SDK1: variants seen among roughly 807,000 people sequenced by gnomAD.
The protein encoded by SDK1 is protein sidekick-1.
In SDK1, 157 loss-of-function variants were observed where a neutral mutation model predicts 245.5. That is an observed-to-expected ratio of 0.64 (90% CI 0.56 to 0.73). The LOEUF is 0.73. Among genes scored for constraint, SDK1 ranks in the 30% least tolerant of loss-of-function variants. The pLI is 0.00. For synonymous variants in SDK1, 1,647 were observed against 1,278.5 expected, an observed-to-expected ratio of 1.29 and a Z score of -6.15; for missense variants, 3,583 against 3,002.3, an observed-to-expected ratio of 1.19 and a Z score of -4.52.
At chr7:3,777,770 A>G (rs184145653) in intron 4 of SDK1, among the ~76,000 whole-genome samples, 70 of 152,266 alleles carry the variant, frequency 4.6e-4, no homozygotes, top group African/African-American at 1.6e-3. Context: ...CCCATGCCAC[A>G]CCACACTGCA....
At chr7:3,571,793 C>A (rs1242985113) in intron 1 of SDK1, among the ~76,000 whole-genome samples, 2 of 151,956 alleles carry the variant, frequency 1.3e-5, no homozygotes, top group African/African-American at 4.8e-5. Flanking sequence ...TGGAGCAGTT[C>A]CAGCATGAGT....
chr7:3,798,637 A>T (rs1779027608), intron 4 of SDK1, among the ~76,000 whole-genome samples: 1 of 152,130 alleles, frequency 6.6e-6, no homozygotes, highest in African/African-American at 2.4e-5. Context: ...TGGCGTCAAC[A>T]TGACTTGTCA....
intron 4 of SDK1, among the ~76,000 whole-genome samples, chr7:3,663,724 A>G (rs1399833031): frequency 1.3e-5 from 2 of 152,202 alleles, no homozygotes; most frequent in South Asian, 2.1e-4. Flanking sequence ...TACTGTGGGT[A>G]TAAAACTTGC....
At chr7:3,535,538 C>T (rs1375362913) in intron 1 of SDK1, among the ~76,000 whole-genome samples, 1 of 152,100 alleles carries the variant, frequency 6.6e-6, no homozygotes, top group African/African-American at 2.4e-5. Context: ...TGACCTTATG[C>T]AGGCTTCTTA....
intron 4 of SDK1, among the ~76,000 whole-genome samples, chr7:3,809,019 G>T (rs1548617): frequency 0.2 from 30,522 of 152,036 alleles, 3,327 homozygotes; most frequent in Middle Eastern, 0.37. Context: ...TTCTTGCATT[G>T]TTATAAGAGA....
chr7:3,962,595 G>T (rs771430970), intron 8 of SDK1, 62 bp from the exon 9 acceptor site: 21 of 1,359,238 alleles, frequency 1.5e-5, no homozygotes, highest in Non-Finnish European at 3.0e-6. Context: ...TGAAACAGAT[G>T]TGCTTCAGTT....
At chr7:4,139,733 G>GTA (rs1779438869) in intron 28 of SDK1, among the ~76,000 whole-genome samples, 1 of 142,048 alleles carries the variant, frequency 7.0e-6, no homozygotes, top group African/African-American at 2.9e-5. Context: ...GTGTGTGTGT[G>GTA]TGTATGTGTG....
intron 1 of SDK1, among the ~76,000 whole-genome samples, chr7:3,518,559 G>A (rs1434995140): frequency 6.6e-6 from 1 of 151,634 alleles, no homozygotes; most frequent in Non-Finnish European, 1.5e-5. Context: ...ACATATACAT[G>A]AGCAACAAAT....
chr7:3,953,573 T>C (rs1169155486), intron 7 of SDK1, among the ~76,000 whole-genome samples: 1 of 152,238 alleles, frequency 6.6e-6, no homozygotes, highest in Non-Finnish European at 1.5e-5. Context: ...ATTTGCGACG[T>C]GTAAATCTCT....
At chr7:3,455,584 C>A (rs922366163) in intron 1 of SDK1, among the ~76,000 whole-genome samples, 1 of 152,068 alleles carries the variant, frequency 6.6e-6, no homozygotes, top group South Asian at 2.1e-4. Flanking sequence ...AAAAAATTAG[C>A]TGGGCATCTT....
chr7:3,654,507 A>G (rs544306574), intron 4 of SDK1, among the ~76,000 whole-genome samples: 58 of 152,318 alleles, frequency 3.8e-4, no homozygotes, highest in Non-Finnish European at 6.3e-4. Context: ...ATAAGCAATA[A>G]TAGGTCAGGA....
At chr7:3,815,525 A>G (rs1444983967) in intron 4 of SDK1, among the ~76,000 whole-genome samples, 4 of 149,948 alleles carry the variant, frequency 2.7e-5, no homozygotes, top group African/African-American at 9.9e-5. Context: ...CCAGTATTTT[A>G]TTGAGGATTT....
chr7:3,487,238 C>T (rs776077707), intron 1 of SDK1, among the ~76,000 whole-genome samples: 21 of 152,130 alleles, frequency 1.4e-4, no homozygotes, highest in Non-Finnish European at 2.4e-4. Context: ...TATGTAATAT[C>T]GTATATGTCT....
At chr7:4,045,617 G>C (rs376206399) in intron 17 of SDK1, among the ~76,000 whole-genome samples, 2 of 152,126 alleles carry the variant, frequency 1.3e-5, no homozygotes, top group African/African-American at 4.8e-5. Context: ...ACCGGGTCAC[G>C]TGGCTCGCGC....
At chr7:3,558,496 A>G (rs1422174298) in intron 1 of SDK1, among the ~76,000 whole-genome samples, 2 of 152,210 alleles carry the variant, frequency 1.3e-5, no homozygotes, top group Admixed American at 6.5e-5. Flanking sequence ...CCTGGCTTGG[A>G]TCACAGCCCT....
intron 1 of SDK1, among the ~76,000 whole-genome samples, chr7:3,374,685 A>G (rs1366338739): frequency 6.6e-6 from 1 of 151,874 alleles, no homozygotes; most frequent in East Asian, 1.9e-4. Context: ...ATTTCTAACC[A>G]TGCTCTGCTC....
chr7:3,330,140 CTG>C (rs1186115714), intron 1 of SDK1, among the ~76,000 whole-genome samples: 1 of 152,004 alleles, frequency 6.6e-6, no homozygotes, highest in Admixed American at 6.6e-5. Context: ...TTTCTGGTGT[CTG>C]TGAATAATGC....
At chr7:4,060,261 T>C (rs1208804353) in intron 19 of SDK1, among the ~76,000 whole-genome samples, 2 of 152,154 alleles carry the variant, frequency 1.3e-5, no homozygotes, top group Non-Finnish European at 2.9e-5. Flanking sequence ...GCTAAGAGCC[T>C]ACAATAAATG....
chr7:4,120,938 A>AAG (rs1423029218), intron 25 of SDK1, among the ~76,000 whole-genome samples: 2 of 152,002 alleles, frequency 1.3e-5, no homozygotes, highest in Admixed American at 6.5e-5. Flanking sequence ...TTAAAAAAAA[A>AAG]AAAAAAGAAA....
Sources: gnomAD v4.1 joint callset for allele counts (sites outside exome capture counted in the v4.1 genomes callset) on GRCh38, gnomAD v4.1.1 for gene constraint, MANE v1.5 for transcripts, NCBI Gene and HGNC (gene_info 2026-07-23, HGNC 2026-07-21) for gene names.